Variants in NR2C2 observed in about 807,000 individuals in gnomAD.
NR2C2 encodes the protein nuclear receptor subfamily 2 group C member 2.
Under a neutral mutation model 62.9 loss-of-function variants are expected in NR2C2, and 6 were observed. That is an observed-to-expected ratio of 0.10 (90% CI 0.05 to 0.19). The LOEUF (loss-of-function observed/expected upper bound fraction) is 0.19. Ranked by LOEUF, NR2C2 falls within the 10% of genes least tolerant of loss-of-function variation. The probability of loss-of-function intolerance (pLI) is 1.00; values close to 1 mark genes in which losing one functional copy is unlikely to be tolerated. For synonymous variants in NR2C2, 272 were observed against 273.8 expected (o/e 0.99, Z 0.07); for missense variants, 479 against 762.7 (o/e 0.63, Z 4.38).
intron 1 of NR2C2, among the ~76,000 whole-genome samples, chr3:14,986,660 A>ATACCTTTAGTGTCC (rs1451394770): frequency 6.6e-6 from 1 of 152,258 alleles, no homozygotes; most frequent in Non-Finnish European, 1.5e-5. Context: ...GATACTTTAA[A>ATACCTTTAGTGTCC]AAAGACCTTG....
intron 2 of NR2C2, among the ~76,000 whole-genome samples, chr3:15,005,189 A>AT (rs1384490385): frequency 2.0e-5 from 3 of 150,554 alleles, no homozygotes; most frequent in Admixed American, 6.6e-5. Context: ...ATGTTTTGAC[A>AT]TTTTTTCTTT....
chr3:14,983,102 T>G (rs145976882), intron 1 of NR2C2, among the ~76,000 whole-genome samples: 29 of 152,332 alleles, frequency 1.9e-4, no homozygotes, highest in African/African-American at 7.0e-4. Flanking sequence ...CATCATTTCT[T>G]TGTGTTATGA....
intron 1 of NR2C2, among the ~76,000 whole-genome samples, chr3:14,973,967 A>G (rs1490003272): frequency 6.6e-6 from 1 of 152,236 alleles, no homozygotes; most frequent in Non-Finnish European, 1.5e-5. Flanking sequence ...AAGTCAGATC[A>G]TCAAGTCAGA....
chr3:14,972,989 G>C (rs1574946571), intron 1 of NR2C2, among the ~76,000 whole-genome samples: 2 of 152,220 alleles, frequency 1.3e-5, no homozygotes, highest in South Asian at 4.1e-4. Flanking sequence ...CCAGCACTGG[G>C]GATTACAGTT....
Position 15,013,677 on chromosome 3 carries a change from C to A in NR2C2, c.161C>A (p.Thr54Asn). The A allele has an allele frequency of 3.7e-6, 6 of 1,614,206 alleles. No individual in the cohort carries two copies. The highest frequency in any genetic ancestry group is 5.1e-6 in the Non-Finnish European group (6 of 1,180,028). The change falls in exon 3 of 14, where the codon ACC becomes AAC. Residue 54 changes from threonine to asparagine, a missense_variant. This residue lies in a region of NR2C2 where 115 missense variants were observed against 152.3 expected (regional missense o/e 0.76). Coordinates refer to ENST00000425241, the MANE Select transcript of NR2C2 (RefSeq NM_001291694.2). The part of the protein sequence containing the change: ...SGSPKQQFIL[T>N]SPDGAGTGKV... ...TCCCCCAAACAGCAGTTCATCCTGA[C>A]CAGCCCAGATGGAGCTGGAACTGGG...
Position 15,016,226 on chromosome 3 carries a change from C to T in NR2C2, c.348C>T (p.Tyr116=), listed in dbSNP as rs2041508790. ...TCCAGCGGCCCCAGGTGGTAGAGTACTGTGTGGTCTGTGGCGACAAAGCCT... is the reference window on the plus strand; with the variant it reads ...TCCAGCGGCCCCAGGTGGTAGAGTATTGTGTGGTCTGTGGCGACAAAGCCT... ...TDVQRPQVVE[Y]CVVCGDKASG... is the part of the protein sequence containing the mutation. The change falls in exon 4 of 14, where the codon TAC becomes TAT. Residue 116 remains tyrosine (Y), a synonymous_variant. Transcript: ENST00000425241. The T allele has an allele frequency of 1.2e-6, 2 of 1,613,968 alleles. No individual in the cohort carries two copies. Among genetic ancestry groups the T allele is most frequent in the Non-Finnish European group, 8.5e-7 (1 of 1,179,908 alleles).
At chr3:14,949,013 A>G (rs2039252516) in intron 1 of NR2C2, among the ~76,000 whole-genome samples, 1 of 152,210 alleles carries the variant, frequency 6.6e-6, no homozygotes, top group South Asian at 2.1e-4. Context: ...GATTACAGCC[A>G]CCAGGAGAGG....
intron 1 of NR2C2, among the ~76,000 whole-genome samples, chr3:15,000,834 T>TG (rs2040970932): frequency 1.5e-5 from 2 of 135,316 alleles, no homozygotes; most frequent in Admixed American, 7.4e-5. Context: ...TTTTTTTTTT[T>TG]GACGGAGTCT....
At chr3:15,008,272 C>T (rs2041250027) in intron 2 of NR2C2, among the ~76,000 whole-genome samples, 1 of 151,224 alleles carries the variant, frequency 6.6e-6, no homozygotes, top group South Asian at 2.1e-4. Context: ...CCTGTGATCC[C>T]AGCACTTTGG....
intron 13 of NR2C2, among the ~76,000 whole-genome samples, chr3:15,042,164 G>A (rs2042293091): frequency 6.6e-6 from 1 of 152,164 alleles, no homozygotes. Context: ...GCCTGGTCAC[G>A]TGGGACACTT....
At chr3:14,949,035 G>A (rs1414725368) in intron 1 of NR2C2, among the ~76,000 whole-genome samples, 2 of 152,140 alleles carry the variant, frequency 1.3e-5, no homozygotes, top group Admixed American at 6.5e-5. Context: ...AAGCGTTAAG[G>A]GTATTTGGGG....
At chr3:14,957,932 A>C (rs1379979599) in intron 1 of NR2C2, among the ~76,000 whole-genome samples, 1 of 104,832 alleles carries the variant, frequency 9.5e-6, no homozygotes, top group Non-Finnish European at 2.0e-5. Context: ...CCACATTGCC[A>C]TTCCTCAAAT....
intron 1 of NR2C2, among the ~76,000 whole-genome samples, chr3:14,953,070 G>T (rs954772819): frequency 2.6e-5 from 4 of 152,194 alleles, no homozygotes; most frequent in African/African-American, 9.7e-5. Context: ...GAGGTGAATT[G>T]TTAAGGACAG....
intron 2 of NR2C2, among the ~76,000 whole-genome samples, chr3:15,005,818 G>T (rs2124943075): frequency 6.6e-6 from 1 of 152,012 alleles, no homozygotes; most frequent in East Asian, 1.9e-4. Flanking sequence ...TTTCATAAGG[G>T]TCTTGTTTTT....
rs1335125751 is a variant in NR2C2, at chr3:15,045,017, G to T, written c.*2009G>T. ...TGATGGAAAGGATTTAATTTTGCCA[G>T]CTTAAAGTAATTTTTACTTTTCTAA... is the stretch of plus-strand genomic sequence containing the variant. On this transcript the variant is annotated 3_prime_UTR_variant, in exon 14 of 14. Transcript: ENST00000425241. 6.6e-6 allele frequency: 1 copy of T among 152,228 alleles called. No homozygotes were observed. The highest frequency in any genetic ancestry group is 2.4e-5 in the African/African-American group (1 of 41,454). The allele number at this position is 152,228 out of a possible 1,614,324, so 9.4% of individuals were successfully genotyped here.
At chr3:15,007,558 C>CT (rs2041221772) in intron 2 of NR2C2, among the ~76,000 whole-genome samples, 1 of 152,298 alleles carries the variant, frequency 6.6e-6, no homozygotes, top group Admixed American at 6.5e-5. Context: ...TATTGCCAGT[C>CT]TCTTCCATTG....
At chr3:14,978,203 T>C (rs1208117962) in intron 1 of NR2C2, among the ~76,000 whole-genome samples, 1 of 152,202 alleles carries the variant, frequency 6.6e-6, no homozygotes, top group Non-Finnish European at 1.5e-5. Context: ...GTACAAATGT[T>C]CCTTAACTTG....
At chr3:14,967,052 T>C (rs1013425194) in intron 1 of NR2C2, among the ~76,000 whole-genome samples, 3 of 152,242 alleles carry the variant, frequency 2.0e-5, no homozygotes, top group African/African-American at 7.2e-5. Flanking sequence ...TACAGGTCTG[T>C]TCATATTGTC....
chr3:15,034,560 C>A (rs2042057957), intron 10 of NR2C2, 110 bp from the exon 11 acceptor site: 2 of 1,109,298 alleles, frequency 1.8e-6, no homozygotes, highest in East Asian at 2.5e-5. Flanking sequence ...TCAATAAACA[C>A]TTGCTGAATT....
Sources: gnomAD v4.1 joint callset for allele counts (sites outside exome capture counted in the v4.1 genomes callset) on GRCh38, gnomAD v4.1.1 for gene constraint, gnomAD v4.1.1 regional missense constraint, MANE v1.5 for transcripts, NCBI Gene and HGNC (gene_info 2026-07-23, HGNC 2026-07-21) for gene names.